Variants in TKT observed in about 807,000 individuals in gnomAD.
The protein encoded by TKT is epididymis luminal protein 107.
Under a neutral mutation model 63.9 loss-of-function variants are expected in TKT, and 47 were observed. The ratio of observed to expected loss-of-function variants is 0.74; its 90% CI spans 0.58 to 0.94. The LOEUF (loss-of-function observed/expected upper bound fraction) is 0.94, where lower values mean the gene tolerates loss of function less well. Among genes scored for constraint, TKT ranks in the 40% least tolerant of loss-of-function variants. The probability of loss-of-function intolerance (pLI) is 0.00; values close to 1 mark genes in which losing one functional copy is unlikely to be tolerated. For missense variants in TKT, 721 were observed against 846.2 expected (o/e 0.85, Z 1.84); for synonymous variants, 338 against 334.1 (o/e 1.01, Z -0.13).
In TKT at chr3:53,251,448, G is replaced by A. The variant is rs142469982; in HGVS notation, c.107+4388C>T. Among the ~76,000 whole-genome samples the A allele has an allele frequency of 1.4e-4, 21 of 152,306 alleles. No homozygotes were observed. The East Asian group carries it at 4.1e-3, about 29-fold the overall frequency. The stretch of plus-strand genomic sequence containing the variant: ...GCCCATGGAAGGAGATGACCCCAGA[G>A]AAGCTCTAGCCACTGTGGGCGCTGC... On this transcript the variant is annotated intron_variant, in intron 1 of 13. Coordinates refer to ENST00000462138, the MANE Select transcript of TKT (RefSeq NM_001064.4).
chr3:53,253,852 T>G (rs1705864897), intron 1 of TKT, among the ~76,000 whole-genome samples: 1 of 152,172 alleles, frequency 6.6e-6, no homozygotes, highest in South Asian at 2.1e-4. Flanking sequence ...TCCTCCCACC[T>G]TGGCCTCCCA....
chr3:53,238,514 C>T (rs1553679168), intron 4 of TKT, among the ~76,000 whole-genome samples: 1 of 152,226 alleles, frequency 6.6e-6, no homozygotes, highest in African/African-American at 2.4e-5. Context: ...GTGCTCCCTG[C>T]AGCCTCCTGT....
At chr3:53,243,729 C>A in intron 1 of TKT, 2 of 427,638 alleles carry the variant, frequency 4.7e-6, no homozygotes, top group South Asian at 1.7e-5. Flanking sequence ...CCACCCTAAT[C>A]CCACGCTCCC....
chr3:53,243,093 GA>G (rs1423181454), intron 1 of TKT, among the ~76,000 whole-genome samples: 24 of 152,264 alleles, frequency 1.6e-4, no homozygotes, highest in African/African-American at 5.8e-4. Context: ...GACAAAGCAA[GA>G]ACCTGCCTTC....
rs138961298 is a variant in TKT, at chr3:53,255,850, A to C, written c.93T>G (p.Thr31=). The C allele has an allele frequency of 9.8e-6, 15 of 1,531,950 alleles. No individual in the cohort carries two copies. The allele number at this position is 1,531,950 out of a possible 1,614,324, so 94.9% of individuals were successfully genotyped here. A position where few individuals can be genotyped will look rare whatever the true frequency, so the allele number is the denominator to read the frequency against. ...RLRISSIQAT[T]AAGSGHPTSC... The stretch of plus-strand genomic sequence containing the variant: ...CGCGCACTCACCCAGAGCCCGCCGC[A>C]GTGGTGGCCTGGATGGAGCTGATAC... The change falls in exon 1 of 14, where the codon ACT becomes ACG. Residue 31 remains threonine (T), a synonymous_variant. Coordinates refer to ENST00000462138, the MANE Select transcript of TKT (RefSeq NM_001064.4).
chr3:53,230,243 GTGCACACCTGTCCAGGACATT>G (rs1704686194), intron 8 of TKT, among the ~76,000 whole-genome samples, 193 bp downstream of exon 8: 1 of 152,248 alleles, frequency 6.6e-6, no homozygotes, highest in Admixed American at 6.5e-5. Flanking sequence ...GCTCCCCCAT[GTGCACACCTGTCCAGGACATT>G]TGCACCTGGG....
Position 53,229,281 on chromosome 3 carries a change from G to A in TKT, c.1263C>T (p.Ile421=), listed in dbSNP as rs1553676359. The change falls in exon 9 of 14, where the codon ATC becomes ATT. Residue 421 remains isoleucine (I), a splice_region_variant and synonymous_variant. Coordinates refer to ENST00000462138, the MANE Select transcript of TKT (RefSeq NM_001064.4). ...TGTAAACACCCTGGCTAAACTCACCGATGGAAACGCCGCAGTGGGAGCCGC... is the reference window on the plus strand; with the variant it reads ...TGTAAACACCCTGGCTAAACTCACCAATGGAAACGCCGCAGTGGGAGCCGC... ...NLCGSHCGVS[I]GEDGPSQMAL... 1.2e-5 allele frequency: 20 copies of A among 1,613,856 alleles called. No homozygotes were observed. Among genetic ancestry groups the A allele is most frequent in the Admixed American group, 5.0e-5 (3 of 59,990 alleles).
Position 53,229,358 on chromosome 3 carries a change from C to A in TKT, c.1186G>T (p.Ala396Ser), listed in dbSNP as rs782792850. The stretch of plus-strand genomic sequence containing the variant: ...GCGGCCATGCGAATCTGGTCAAAGG[C>A]CCGCGTGAAGAAGGCTGCAAAAGTG... ...CSTFAAFFTR[A>S]FDQIRMAAIS... The change falls in exon 9 of 14, where the codon GCC (alanine) becomes TCC (serine). Residue 396 changes from alanine to serine, a missense_variant. Transcript: ENST00000462138. 1 of 1,613,764 alleles carries A rather than the reference C, an allele frequency of 6.2e-7. No individual in the cohort carries two copies. Among genetic ancestry groups the A allele is most frequent in the Non-Finnish European group, 8.5e-7 (1 of 1,179,862 alleles).
rs782720166 is a variant in TKT, at chr3:53,230,450, C to T, written c.1107+7G>A. 1 of 1,614,202 alleles carries T rather than the reference C, an allele frequency of 6.2e-7. No individual in the cohort carries two copies. The highest frequency in any genetic ancestry group is 1.7e-5 in the Admixed American group (1 of 60,028). On this transcript the variant is annotated splice_region_variant and intron_variant, in intron 8 of 13. Coordinates refer to ENST00000462138, the MANE Select transcript of TKT (RefSeq NM_001064.4). ...GTGGACCTGTCCCTGCCGGCCCCAG[C>T]ACCTACCATGTTCTGCTCAGCAATG... is the stretch of plus-strand genomic sequence containing the variant.
intron 13 of TKT, 169 bp from the exon 14 acceptor site, chr3:53,226,100 GAGAC>G (rs1362223862): frequency 1.9e-5 from 11 of 588,594 alleles, no homozygotes; most frequent in East Asian, 3.1e-5. Context: ...TTATTTTAAA[GAGAC>G]AGACAGGTAT....
At chr3:53,235,980 G>A (rs1191059002) in intron 4 of TKT, among the ~76,000 whole-genome samples, 1 of 152,282 alleles carries the variant, frequency 6.6e-6, no homozygotes, top group Non-Finnish European at 1.5e-5. Flanking sequence ...GCAGAGGGAC[G>A]GCAGCAACAG....
At position 53,229,310 on chromosome 3, in the gene TKT, G is replaced by A. The variant is rs1473457471; in HGVS notation, c.1234C>T (p.Leu412Phe). The A allele has an allele frequency of 1.9e-6, 3 of 1,614,082 alleles. No individual in the cohort carries two copies. Among genetic ancestry groups the A allele is most frequent in the South Asian group, 2.2e-5 (2 of 91,064 alleles). ...GAAACGCCGCAGTGGGAGCCGCAGA[G>A]GTTGATGTTGCTCTCGGAGATGGCG... The part of the protein sequence containing the change: ...MAAISESNIN[L>F]CGSHCGVSIG... Residue 412 changes from leucine (L) to phenylalanine (F), a missense_variant, in exon 9 of 14, where the codon CTC (leucine) becomes TTC (phenylalanine). By Grantham distance (22) the Leu-to-Phe change is conservative. Coordinates refer to ENST00000462138, the MANE Select transcript of TKT (RefSeq NM_001064.4).
intron 12 of TKT, chr3:53,227,122 G>C (rs374954959): frequency 4.1e-6 from 2 of 487,360 alleles, no homozygotes; most frequent in East Asian, 3.8e-5. Context: ...ACCCAGAGCG[G>C]AGCGTGCAGG....
intron 4 of TKT, 85 bp from the exon 5 acceptor site, chr3:53,235,259 T>C (rs2242304): frequency 0.19 from 247,000 of 1,304,000 alleles, 24,073 homozygotes; most frequent in South Asian, 0.29. Context: ...GGAGCCTGCA[T>C]TCTGGGTAAA....
intron 8 of TKT, among the ~76,000 whole-genome samples, chr3:53,230,122 A>C (rs1417012100): frequency 6.6e-6 from 1 of 152,142 alleles, no homozygotes; most frequent in Non-Finnish European, 1.5e-5. Context: ...TGCTAAACCC[A>C]TCACGGCCCC....
intron 5 of TKT, chr3:53,233,492 G>A: frequency 4.2e-6 from 2 of 473,728 alleles, no homozygotes; most frequent in Non-Finnish European, 7.5e-6. Context: ...CCTTTTGTTT[G>A]CCTCTGAACA....
chr3:53,227,364 C>T, intron 12 of TKT: 1 of 161,238 alleles, frequency 6.2e-6, no homozygotes, highest in East Asian at 1.9e-4. Flanking sequence ...CCCTGGGTCT[C>T]CCCCTGCCTG....
intron 4 of TKT, among the ~76,000 whole-genome samples, chr3:53,238,732 C>T (rs782417795): frequency 2.0e-5 from 3 of 152,234 alleles, no homozygotes; most frequent in Non-Finnish European, 4.4e-5. Flanking sequence ...CCAAGAGCAG[C>T]CTGGGTACCT....
At chr3:53,235,273 G>A (rs1048768465) in intron 4 of TKT, 99 bp from the exon 5 acceptor site, 1 of 1,147,214 alleles carries the variant, frequency 8.7e-7, no homozygotes, top group Non-Finnish European at 1.2e-6. Flanking sequence ...GGGTAAAGGA[G>A]CAGCCACGCA....
Sources: gnomAD v4.1 joint callset for allele counts (sites outside exome capture counted in the v4.1 genomes callset) on GRCh38, gnomAD v4.1.1 for gene constraint, MANE v1.5 for transcripts, NCBI Gene and HGNC (gene_info 2026-07-23, HGNC 2026-07-21) for gene names.